The following RUNX1T1 variants were observed in gnomAD, a reference collection of about 807,000 sequenced individuals.
RUNX1T1 encodes RUNX1 partner transcriptional co-repressor 1, also known as protein CBFA2T1.
In RUNX1T1, 4 loss-of-function variants were observed where a neutral mutation model predicts 62.8. The observed-to-expected ratio is 0.06, with a 90% CI of 0.03 to 0.15. The LOEUF (loss-of-function observed/expected upper bound fraction) is 0.15. Ranked by LOEUF, RUNX1T1 falls within the 10% of genes least tolerant of loss-of-function variation. The pLI, the probability that RUNX1T1 is intolerant of heterozygous loss-of-function variation, is 1.00. For synonymous variants in RUNX1T1, 291 were observed against 286.0 expected (o/e 1.02, Z -0.18); for missense variants, 508 against 754.3 (o/e 0.67, Z 3.82).
intron 10 of RUNX1T1, among the ~76,000 whole-genome samples, chr8:91,964,973 C>T (rs2130511854): frequency 6.6e-6 from 1 of 152,226 alleles, no homozygotes; most frequent in East Asian, 1.9e-4. Flanking sequence ...ATAATAACTG[C>T]AGGATTATTC....
chr8:91,983,667 T>C (rs1026812872), intron 8 of RUNX1T1, among the ~76,000 whole-genome samples: 1 of 152,180 alleles, frequency 6.6e-6, no homozygotes, highest in Non-Finnish European at 1.5e-5. Flanking sequence ...CATTAAACAC[T>C]TCCCAGTCAC....
intron 1 of RUNX1T1, among the ~76,000 whole-genome samples, chr8:92,053,292 AT>A (rs1217563213): frequency 1.3e-5 from 2 of 152,202 alleles, no homozygotes; most frequent in Non-Finnish European, 2.9e-5. Flanking sequence ...AAAGATAAAA[AT>A]ATTTCATTAA....
chr8:91,959,827 C>A, exon 11 of RUNX1T1: 1 of 267,394 alleles, frequency 3.7e-6, no homozygotes, highest in South Asian at 9.2e-5. Flanking sequence ...ATATAAAGAA[C>A]ATTGTGACTT....
chr8:92,071,414 C>T (rs1833649027), intron 2 of RUNX1T1: 1 of 152,150 alleles, frequency 6.6e-6, no homozygotes, highest in Non-Finnish European at 1.5e-5. Context: ...AAGGCCAGCC[C>T]TCTACTGGTT....
downstream of RUNX1T1, chr8:91,957,008 G>T (rs1809490251): frequency 3.2e-5 from 7 of 215,522 alleles, no homozygotes; most frequent in Non-Finnish European, 6.5e-5. Context: ...AAAGACAGGT[G>T]GCCCTGTCAC....
At chr8:92,034,493 A>T (rs1048309991) in intron 1 of RUNX1T1, among the ~76,000 whole-genome samples, 3 of 152,120 alleles carry the variant, frequency 2.0e-5, no homozygotes, top group Non-Finnish European at 4.4e-5. Context: ...AATTCTTTAC[A>T]TATAATTATA....
chr8:92,014,429 T>C (rs1400451251), intron 3 of RUNX1T1, 150 bp downstream of exon 4: 1 of 708,304 alleles, frequency 1.4e-6, no homozygotes, highest in Non-Finnish European at 2.2e-6. Context: ...TAAAAGACTG[T>C]CACTATAGCA....
chr8:92,054,427 G>A (rs1191321536), intron 1 of RUNX1T1, among the ~76,000 whole-genome samples: 1 of 152,134 alleles, frequency 6.6e-6, no homozygotes, highest in Non-Finnish European at 1.5e-5. Context: ...ACTCCAGACA[G>A]CATCGCTGTC....
chr8:92,053,199 T>C (rs1359105292), intron 1 of RUNX1T1, among the ~76,000 whole-genome samples: 1 of 152,170 alleles, frequency 6.6e-6, no homozygotes, highest in Admixed American at 6.5e-5. Context: ...CTAGAGTCTT[T>C]AAGATAAATT....
At chr8:92,061,611 T>C (rs544409612) in intron 1 of RUNX1T1, among the ~76,000 whole-genome samples, 3 of 152,312 alleles carry the variant, frequency 2.0e-5, no homozygotes, top group East Asian at 1.9e-4. Flanking sequence ...TTCAAACAAC[T>C]GGCAATACCT....
At chr8:92,067,309 G>A (rs1278076891), upstream of RUNX1T1, among the ~76,000 whole-genome samples, 2 of 152,200 alleles carry the variant, frequency 1.3e-5, no homozygotes, top group Admixed American at 6.5e-5. Context: ...GCCCATGGAG[G>A]ACATGCTGTA....
intron 4 of RUNX1T1, chr8:92,006,728 A>AG (rs1308276130): frequency 6.6e-6 from 1 of 151,552 alleles, no homozygotes; most frequent in Non-Finnish European, 1.5e-5. Context: ...TTGTTACATA[A>AG]GTAGATGTGT....
At chr8:91,998,082 C>G (rs1819049817) in intron 5 of RUNX1T1, among the ~76,000 whole-genome samples, 1 of 152,028 alleles carries the variant, frequency 6.6e-6, no homozygotes, top group Non-Finnish European at 1.5e-5. Flanking sequence ...CATAGAATGA[C>G]TAGACATTGA....
At chr8:92,033,728 T>C (rs182653346) in intron 1 of RUNX1T1, among the ~76,000 whole-genome samples, 3 of 151,872 alleles carry the variant, frequency 2.0e-5, no homozygotes, top group South Asian at 2.1e-4. Flanking sequence ...TCCGAGAACT[T>C]TGGGAGGCTG....
intron 1 of RUNX1T1, among the ~76,000 whole-genome samples, chr8:92,030,984 AG>A (rs1400367373): frequency 6.6e-6 from 1 of 152,242 alleles, no homozygotes; most frequent in Non-Finnish European, 1.5e-5. Context: ...TCCCATTGAT[AG>A]TTATATGTGG....
At chr8:92,065,366 A>G (rs2130655795), upstream of RUNX1T1, among the ~76,000 whole-genome samples, 2 of 152,350 alleles carry the variant, frequency 1.3e-5, no homozygotes, top group South Asian at 4.1e-4. Context: ...TTATAAAACT[A>G]AAATATATCC....
intron 5 of RUNX1T1, among the ~76,000 whole-genome samples, chr8:91,997,238 G>A (rs1330613863): frequency 2.0e-5 from 3 of 152,112 alleles, no homozygotes. Flanking sequence ...ATAAAACAGT[G>A]TATAACATTC....
At chr8:91,979,105 A>G (rs536498386) in intron 8 of RUNX1T1, among the ~76,000 whole-genome samples, 1 of 152,226 alleles carries the variant, frequency 6.6e-6, no homozygotes, top group African/African-American at 2.4e-5. Context: ...CAACAGAAAG[A>G]ACAGAGTGAT....
At chr8:92,047,220 A>C (rs1014466437) in intron 1 of RUNX1T1, among the ~76,000 whole-genome samples, 29 of 151,974 alleles carry the variant, frequency 1.9e-4, no homozygotes, top group Non-Finnish European at 3.8e-4. Context: ...CCCATTCCTC[A>C]AACAATCCAC....
Sources: gnomAD v4.1 joint callset for allele counts (sites outside exome capture counted in the v4.1 genomes callset) on GRCh38, gnomAD v4.1.1 for gene constraint, MANE v1.5 for transcripts, NCBI Gene and HGNC (gene_info 2026-07-23, HGNC 2026-07-21) for gene names.